Variants in GLIS3 observed in about 807,000 individuals in gnomAD.
GLIS3 encodes zinc finger protein GLIS3.
A neutral mutation model predicts 78.6 loss-of-function variants in GLIS3; 53 were observed. That is an observed-to-expected ratio of 0.67 (90% confidence interval 0.54 to 0.85). The LOEUF (loss-of-function observed/expected upper bound fraction) is 0.85. Among genes scored for constraint, GLIS3 ranks in the 40% least tolerant of loss-of-function variants. The pLI is 0.00. For missense variants in GLIS3, 1,703 were observed against 1,231.1 expected (o/e 1.38, Z -5.74); for synonymous variants, 684 against 509.9 (o/e 1.34, Z -4.60).
At chr9:3,956,028 C>CAAAAAAAAAAAAAAAAAAAGA (rs1817081921) in intron 4 of GLIS3, among the ~76,000 whole-genome samples, 2 of 87,630 alleles carry the variant, frequency 2.3e-5, no homozygotes, top group Non-Finnish European at 4.6e-5. Context: ...CCAGATTCAG[C>CAAAAAAAAAAAAAAAAAAAGA]AAAAAAAAAA....
intron 4 of GLIS3, among the ~76,000 whole-genome samples, chr9:4,098,863 C>T (rs757432919): frequency 9.9e-5 from 15 of 152,272 alleles, no homozygotes; most frequent in Admixed American, 2.0e-4. Flanking sequence ...AGACATAAAC[C>T]CGCATGCAGA....
chr9:4,295,524 G>A (rs1177320045), intron 1 of GLIS3, among the ~76,000 whole-genome samples: 1 of 152,112 alleles, frequency 6.6e-6, no homozygotes, highest in African/African-American at 2.4e-5. Flanking sequence ...ACCCAAGAGT[G>A]CATATTGAAT....
At chr9:4,273,105 C>T (rs1055503364) in intron 2 of GLIS3, among the ~76,000 whole-genome samples, 1 of 152,208 alleles carries the variant, frequency 6.6e-6, no homozygotes, top group South Asian at 2.1e-4. Flanking sequence ...GCTTTTCATA[C>T]TGCCTAGACT....
chr9:4,224,031 G>A (rs983957907), intron 2 of GLIS3, among the ~76,000 whole-genome samples: 1 of 151,714 alleles, frequency 6.6e-6, no homozygotes, highest in Non-Finnish European at 1.5e-5. Context: ...AGAGTAAACT[G>A]CTAAACTCAC....
intron 2 of GLIS3, among the ~76,000 whole-genome samples, chr9:4,238,547 C>T (rs1471903255): frequency 2.0e-5 from 3 of 152,214 alleles, no homozygotes; most frequent in African/African-American, 7.2e-5. Context: ...GCTACCTGAA[C>T]TCAGAAGGCC....
At chr9:3,918,784 T>C (rs1217780178) in intron 6 of GLIS3, among the ~76,000 whole-genome samples, 1 of 152,178 alleles carries the variant, frequency 6.6e-6, no homozygotes, top group Non-Finnish European at 1.5e-5. Context: ...GTGGGGTTCT[T>C]GTCTATATAA....
chr9:4,333,001 T>G (rs1817707790), intron 2 of GLIS3, among the ~76,000 whole-genome samples: 1 of 152,234 alleles, frequency 6.6e-6, no homozygotes, highest in Admixed American at 6.5e-5. Context: ...ATTGAGTGCT[T>G]ACTCTGACAG....
chr9:4,116,639 C>A (rs1408431754), intron 4 of GLIS3, among the ~76,000 whole-genome samples: 3 of 152,214 alleles, frequency 2.0e-5, no homozygotes, highest in Non-Finnish European at 4.4e-5. Flanking sequence ...TATAATCAAG[C>A]ATACACATAG....
At chr9:4,426,859 T>C in the GLIS3 span, among the ~76,000 whole-genome samples, 1 of 152,206 alleles carries the variant, frequency 6.6e-6, no homozygotes, top group Non-Finnish European at 1.5e-5. Context: ...CAAGTAAAAG[T>C]CTTAGCACAG....
intron 4 of GLIS3, among the ~76,000 whole-genome samples, chr9:4,057,093 C>T (rs546916603): frequency 6.6e-6 from 1 of 151,982 alleles, no homozygotes. Context: ...GACCACAATT[C>T]TAGAACACCT....
chr9:4,396,181 C>T, the GLIS3 span, among the ~76,000 whole-genome samples: 1 of 151,688 alleles, frequency 6.6e-6, no homozygotes, highest in Non-Finnish European at 1.5e-5. Context: ...GGCATGATCT[C>T]AGCTCACTGC....
At chr9:4,395,961 A>G in the GLIS3 span, among the ~76,000 whole-genome samples, 26 of 151,158 alleles carry the variant, frequency 1.7e-4, no homozygotes, top group East Asian at 4.9e-3. Context: ...TTTAGTAGAG[A>G]CAGGGTTTCA....
the GLIS3 span, among the ~76,000 whole-genome samples, chr9:4,358,523 A>G: frequency 6.6e-6 from 1 of 152,156 alleles, no homozygotes; most frequent in Non-Finnish European, 1.5e-5. Context: ...TTGTGTACCT[A>G]CTATGTTCCA....
At chr9:4,048,818 G>A (rs150128576) in intron 4 of GLIS3, among the ~76,000 whole-genome samples, 1 of 152,114 alleles carries the variant, frequency 6.6e-6, no homozygotes, top group South Asian at 2.1e-4. Context: ...ACAAATATCT[G>A]ACCAACAACT....
intron 4 of GLIS3, among the ~76,000 whole-genome samples, chr9:4,056,513 C>G (rs766488563): frequency 1.3e-5 from 2 of 152,070 alleles, no homozygotes; most frequent in Non-Finnish European, 2.9e-5. Context: ...GAAATTCAAC[C>G]TAAGATTCAA....
chr9:4,201,448 C>T (rs1203886770), intron 2 of GLIS3, among the ~76,000 whole-genome samples: 2 of 152,142 alleles, frequency 1.3e-5, no homozygotes, highest in Non-Finnish European at 2.9e-5. Context: ...AAGACTCCAC[C>T]AAAGGCTCCT....
intron 9 of GLIS3, among the ~76,000 whole-genome samples, chr9:3,841,246 C>T (rs1360622141): frequency 6.6e-6 from 1 of 152,142 alleles, no homozygotes; most frequent in Non-Finnish European, 1.5e-5. Flanking sequence ...TCAGTAATTG[C>T]CATGTGTGGA....
chr9:4,112,982 A>G (rs1831343943), intron 4 of GLIS3, among the ~76,000 whole-genome samples: 1 of 151,376 alleles, frequency 6.6e-6, no homozygotes, highest in Non-Finnish European at 1.5e-5. Context: ...CCCTGCCCCC[A>G]TGATTTTATT....
At chr9:4,358,805 G>C in the GLIS3 span, among the ~76,000 whole-genome samples, 2 of 152,232 alleles carry the variant, frequency 1.3e-5, no homozygotes, top group African/African-American at 4.8e-5. Context: ...ATGGTAAGCA[G>C]ATGAGGTGTG....
Sources: allele counts gnomAD v4.1 joint callset (sites outside exome capture counted in the v4.1 genomes callset), GRCh38; gene constraint gnomAD v4.1.1; transcripts MANE v1.5; gene names NCBI Gene and HGNC (gene_info 2026-07-23, HGNC 2026-07-21).